Variants in FRAS1 observed in about 807,000 individuals in gnomAD.
FRAS1 encodes Fraser extracellular matrix complex subunit 1.
A neutral mutation model predicts 435.2 loss-of-function variants in FRAS1; 290 were observed. The ratio of observed to expected loss-of-function variants is 0.67; its 90% CI spans 0.61 to 0.73. The LOEUF is 0.73. Among genes scored for constraint, FRAS1 ranks in the 30% least tolerant of loss-of-function variants. FRAS1 has a pLI of 0.00. For missense variants in FRAS1, 4,860 were observed against 5,001.5 expected (o/e 0.97, Z 0.85); for synonymous variants, 1,800 against 1,851.0 (o/e 0.97, Z 0.71).
Position 78,057,546 on chromosome 4 carries a change from AAC to A in FRAS1, c.-463_-462del. The A allele has an allele frequency of 6.4e-6, 1 of 157,018 alleles. No individual in the cohort carries two copies. Among genetic ancestry groups the A allele is most frequent in the Non-Finnish European group, 1.4e-5 (1 of 71,436 alleles). The allele number at this position is 157,018 out of a possible 1,614,324, so 9.7% of individuals were successfully genotyped here. A position where few individuals can be genotyped will look rare whatever the true frequency, so the allele number is the denominator to read the frequency against. ...TCCCGGCGACCCGCGGTGCCGACGCAACGCCGACGTATGGTGCCAAGCGAACT... is the reference window on the plus strand; with the variant it reads ...TCCCGGCGACCCGCGGTGCCGACGCAGCCGACGTATGGTGCCAAGCGAACT... On this transcript the variant is annotated 5_prime_UTR_variant, in exon 1 of 74. It introduces an in-frame stop codon into an upstream open reading frame of the 5' UTR. Transcript: ENST00000512123. This position sits in a 1 kb window ranked among gnomAD's most constrained non-coding sequence, Gnocchi z 4.2.
At chr4:78,129,545 G>A (rs1719575404) in intron 2 of FRAS1, among the ~76,000 whole-genome samples, 1 of 137,792 alleles carries the variant, frequency 7.3e-6, no homozygotes, top group South Asian at 2.4e-4. Flanking sequence ...ACAGAACAGG[G>A]TAGTGGCCAT....
At chr4:78,308,281 C>A (rs41537644) in intron 15 of FRAS1, 72 bp downstream of exon 15, 1 of 1,466,324 alleles carries the variant, frequency 6.8e-7, no homozygotes, top group South Asian at 1.3e-5. Flanking sequence ...GTATTCAAAT[C>A]ATAGCACATT....
At chr4:78,319,819 C>T (rs953585744) in intron 18 of FRAS1, among the ~76,000 whole-genome samples, 1 of 152,178 alleles carries the variant, frequency 6.6e-6, no homozygotes, top group Non-Finnish European at 1.5e-5. Context: ...ATATACCCTC[C>T]CAGTGAAATG....
intron 13 of FRAS1, 24 bp from the exon 14 acceptor site, chr4:78,286,381 T>G (rs757084985): frequency 6.2e-7 from 1 of 1,612,732 alleles, no homozygotes; most frequent in Non-Finnish European, 8.5e-7. Context: ...TCCTTTCTCT[T>G]TCTTCAACAT....
chr4:78,143,701 T>C (rs928024331), intron 2 of FRAS1, among the ~76,000 whole-genome samples: 4 of 146,470 alleles, frequency 2.7e-5, no homozygotes, highest in Non-Finnish European at 6.0e-5. Context: ...TTAGAGACCA[T>C]CCTGGGCAAC....
chr4:78,109,530 C>G (rs1243632478), intron 2 of FRAS1, among the ~76,000 whole-genome samples: 1 of 146,390 alleles, frequency 6.8e-6, no homozygotes, highest in African/African-American at 2.6e-5. Flanking sequence ...GCAGAAAAAG[C>G]CTTTGACAAA....
intron 26 of FRAS1, among the ~76,000 whole-genome samples, chr4:78,376,864 G>A (rs952525291): frequency 3.3e-5 from 5 of 152,036 alleles, no homozygotes; most frequent in Non-Finnish European, 5.9e-5. Context: ...AGTAATGAAC[G>A]CCTGTAATCC....
At position 78,436,905 on chromosome 4, in the gene FRAS1, C is replaced by G. The variant is rs184555133; in HGVS notation, c.5218-1665C>G. The stretch of plus-strand genomic sequence containing the variant: ...TAGTTATTCTCAAAGCTCTAGTCCT[C>G]GTGTTGAATGATGGGTTCATTGATG... On this transcript the variant is annotated intron_variant, in intron 38 of 73. Coordinates refer to ENST00000512123, the MANE Select transcript of FRAS1 (RefSeq NM_025074.7). 6.8e-4 allele frequency among the ~76,000 whole-genome samples: 104 copies of G among 151,836 alleles called. 1 individual carries two copies. The Middle Eastern group carries it at 0.024, about 35-fold the overall frequency.
intron 2 of FRAS1, among the ~76,000 whole-genome samples, chr4:78,082,812 C>T (rs1247710657): frequency 3.3e-5 from 5 of 151,998 alleles, no homozygotes; most frequent in Admixed American, 3.3e-4. Flanking sequence ...TTAGGTTTCT[C>T]GTCAATTTGT....
chr4:78,281,308 GA>G, intron 10 of FRAS1, 89 bp from the exon 11 acceptor site: 3 of 844,238 alleles, frequency 3.6e-6, no homozygotes, highest in African/African-American at 1.8e-5. Flanking sequence ...TGTTCCTTGG[GA>G]AAAATGGATA....
chr4:78,273,044 G>A (rs1337203433), intron 9 of FRAS1, among the ~76,000 whole-genome samples: 2 of 152,100 alleles, frequency 1.3e-5, no homozygotes, highest in African/African-American at 4.8e-5. Context: ...TTGTAAGTTG[G>A]ATTCCTAGGT....
At position 78,360,225 on chromosome 4, in the gene FRAS1, A is replaced by G. The variant is rs540052821; in HGVS notation, c.2423-3288A>G. On this transcript the variant is annotated intron_variant, in intron 20 of 73. Transcript: ENST00000512123. ...GTCAACAGTGCCTTGTGTTGCAGAG[A>G]TTTCAGGTAGGATAAGGAATTAGAG... Among the ~76,000 whole-genome samples the G allele has an allele frequency of 1.0e-3, 154 of 152,274 alleles. 2 individuals carry two copies. The highest frequency in any genetic ancestry group is 7.3e-3 in the South Asian group (35 of 4,816).
chr4:78,096,560 G>A (rs1299101236), intron 2 of FRAS1, among the ~76,000 whole-genome samples: 1 of 152,176 alleles, frequency 6.6e-6, no homozygotes, highest in African/African-American at 2.4e-5. Context: ...TGAAATCTAG[G>A]TGGGGTTCCC....
At chr4:78,424,789 C>A (rs1456216271) in intron 35 of FRAS1, among the ~76,000 whole-genome samples, 3 of 150,444 alleles carry the variant, frequency 2.0e-5, no homozygotes, top group African/African-American at 4.9e-5. Context: ...AAAAAAAAAA[C>A]AACTTATCTG....
chr4:78,203,925 C>T (rs950202157), intron 2 of FRAS1, among the ~76,000 whole-genome samples: 1 of 152,152 alleles, frequency 6.6e-6, no homozygotes, highest in African/African-American at 2.4e-5. Context: ...TGTGCTCTAA[C>T]TTTTCACATC....
Position 78,526,594 on chromosome 4 carries a change from C to A in FRAS1, c.10862C>A (p.Pro3621His). The change falls in exon 70 of 74, where the codon CCC becomes CAC. Residue 3621 changes from proline to histidine, a missense_variant. Pro to His is a moderately conservative substitution (Grantham distance 77). Transcript: ENST00000512123. ...TACCTGATCCCTTGCACAGTGCAGC[C>A]CACACAGCCATGGGTTGACCCAGGA... ...TIYLIPCTVQ[P>H]TQPWVDPGEK... 1 of 1,602,760 alleles carries A rather than the reference C, an allele frequency of 6.2e-7. No homozygotes were observed.
intron 6 of FRAS1, among the ~76,000 whole-genome samples, chr4:78,258,743 A>G (rs1725922956): frequency 6.8e-6 from 1 of 146,466 alleles, no homozygotes; most frequent in Non-Finnish European, 1.5e-5. Flanking sequence ...TTTAGGGTAC[A>G]TGTGCACAAT....
intron 6 of FRAS1, among the ~76,000 whole-genome samples, chr4:78,257,447 AAC>A (rs1198474465): frequency 5.9e-5 from 9 of 152,222 alleles, no homozygotes; most frequent in Admixed American, 5.2e-4. Context: ...ATATAAGGGA[AAC>A]ACAAGTTTAT....
intron 2 of FRAS1, among the ~76,000 whole-genome samples, chr4:78,078,605 C>T (rs1295987265): frequency 1.3e-5 from 2 of 151,804 alleles, no homozygotes; most frequent in Admixed American, 6.6e-5. Context: ...TTTAGTGTTA[C>T]AAAGAATTAC....
Sources: allele counts gnomAD v4.1 joint callset (sites outside exome capture counted in the v4.1 genomes callset), GRCh38; gene constraint gnomAD v4.1.1; non-coding constraint Gnocchi (gnomAD v3.1); transcripts MANE v1.5; gene names NCBI Gene and HGNC (gene_info 2026-07-23, HGNC 2026-07-21).